RARB: variants seen among roughly 807,000 people sequenced by gnomAD.
RARB encodes retinoic acid receptor beta, also known as HBV-activated protein.
A neutral mutation model predicts 51.9 loss-of-function variants in RARB; 17 were observed. The ratio of observed to expected loss-of-function variants is 0.33; its 90% confidence interval spans 0.22 to 0.49. RARB has a LOEUF of 0.49. Ranked by LOEUF, RARB falls within the 20% of genes least tolerant of loss-of-function variation. The pLI is 0.99. For missense variants in RARB, 369 were observed against 550.8 expected, an observed-to-expected ratio of 0.67 and a Z score of 3.30; for synonymous variants, 215 against 195.4, an observed-to-expected ratio of 1.10 and a Z score of -0.84.
At chr3:24,831,040 G>T (rs556973817) in intron 1 of RARB, among the ~76,000 whole-genome samples, 11 of 152,110 alleles carry the variant, frequency 7.2e-5, no homozygotes, top group Non-Finnish European at 1.3e-4. Context: ...GCTGGTTTTA[G>T]ATAGCCTCCT....
intron 3 of RARB, among the ~76,000 whole-genome samples, chr3:25,105,162 A>G (rs1042025050): frequency 6.6e-6 from 1 of 152,140 alleles, no homozygotes. Flanking sequence ...AGTGTCAGAC[A>G]GTTTTTACTT....
intron 3 of RARB, among the ~76,000 whole-genome samples, chr3:25,502,134 G>A (rs1047887805): frequency 1.3e-5 from 2 of 152,206 alleles, no homozygotes; most frequent in Non-Finnish European, 2.9e-5. Flanking sequence ...ACTCCATCAT[G>A]GGGGGATTTT....
rs199516505 is a variant in RARB, at chr3:24,990,125, CTTTTTTT to C, written c.-379-69994_-379-69988del. Reference sequence around the variant, plus strand: ...TTCTTTTTAATATAATGGAACTTTTCTTTTTTTTTTTTGTTATTTCACTATTGTTTAT... The same window carrying C: ...TTCTTTTTAATATAATGGAACTTTTCTTTTTGTTATTTCACTATTGTTTAT... On this transcript the variant is annotated intron_variant, in intron 2 of 11. Coordinates refer to the RARB transcript ENST00000383772. 2.8e-3 allele frequency among the ~76,000 whole-genome samples: 245 copies of C among 87,680 alleles called. 81 individuals carry two copies. Among genetic ancestry groups the C allele is most frequent in the African/African-American group, 0.011 (235 of 21,988 alleles). 57.5% of individuals were successfully genotyped at this position (87,680 alleles called of 152,430 possible). A position where few individuals can be genotyped will look rare whatever the true frequency, so the allele number is the denominator to read the frequency against.
chr3:25,593,368 C>T, intron 5 of RARB, 135 bp from the exon 6 acceptor site: 1 of 776,762 alleles, frequency 1.3e-6, no homozygotes, highest in Non-Finnish European at 2.1e-6. Context: ...CTAAAGAAGA[C>T]ATTCAACATG....
chr3:25,567,963 T>G (rs1408899142), intron 3 of RARB, among the ~76,000 whole-genome samples: 1 of 152,140 alleles, frequency 6.6e-6, no homozygotes, highest in Non-Finnish European at 1.5e-5. Flanking sequence ...CCCCTCATTG[T>G]GTCTCCTTTG....
Position 25,060,354 on chromosome 3 carries a change from A to G in RARB, c.-328+178A>G, listed in dbSNP as rs76915906. Among the ~76,000 whole-genome samples the G allele has an allele frequency of 4.3e-3, 654 of 151,990 alleles. 11 individuals are homozygous for G. Among genetic ancestry groups the G allele is most frequent in the South Asian group, 0.037 (178 of 4,828 alleles). ...TTTTACTATATATAAAAATGGTTCTATAAATGGTTCTTTTATGTATATTTT... is the reference window on the plus strand; with the variant it reads ...TTTTACTATATATAAAAATGGTTCTGTAAATGGTTCTTTTATGTATATTTT... On this transcript the variant is annotated intron_variant, in intron 3 of 11. Coordinates refer to the RARB transcript ENST00000383772.
At chr3:25,446,564 G>A (rs1257547711) in intron 1 of RARB, among the ~76,000 whole-genome samples, 1 of 152,162 alleles carries the variant, frequency 6.6e-6, no homozygotes, top group Non-Finnish European at 1.5e-5. Flanking sequence ...AGCACTTTGG[G>A]AGGCCGAGGC....
At chr3:25,538,599 C>T (rs1331335029) in intron 3 of RARB, among the ~76,000 whole-genome samples, 1 of 152,182 alleles carries the variant, frequency 6.6e-6, no homozygotes, top group East Asian at 1.9e-4. Context: ...TTAGAAACTT[C>T]AGCAACTTGA....
At chr3:25,594,252 T>C (rs2278480) in intron 6 of RARB, among the ~76,000 whole-genome samples, 66,538 of 152,040 alleles carry the variant, frequency 0.44, 18,459 homozygotes, top group African/African-American at 0.8. Flanking sequence ...TAATTCAGTT[T>C]GGTAGTGACA....
chr3:24,863,412 G>A (rs1351573791), intron 2 of RARB, among the ~76,000 whole-genome samples: 2 of 152,114 alleles, frequency 1.3e-5, no homozygotes, highest in Admixed American at 6.6e-5. Flanking sequence ...TCTCTATCTC[G>A]GGAGGCAGTT....
intron 5 of RARB, among the ~76,000 whole-genome samples, chr3:25,267,418 C>G (rs867830144): frequency 3.6e-4 from 55 of 152,166 alleles, no homozygotes; most frequent in Admixed American, 1.0e-3. Flanking sequence ...TTTCACCTCA[C>G]ATTACCGCTG....
At chr3:25,036,871 A>G (rs1413230410) in intron 2 of RARB, among the ~76,000 whole-genome samples, 3 of 152,192 alleles carry the variant, frequency 2.0e-5, no homozygotes, top group African/African-American at 7.2e-5. Flanking sequence ...CCAGAGCTAC[A>G]TTCTTCTGTT....
rs141201430 is a variant in RARB, at chr3:24,914,317, A to G, written c.-380+55565A>G. Among the ~76,000 whole-genome samples the G allele has an allele frequency of 3.0e-3, 452 of 152,248 alleles. 2 individuals are homozygous for G. The highest frequency in any genetic ancestry group is 0.01 in the African/African-American group (432 of 41,522). ...CAAATGGATTCTAGGGCCCTGGAAT[A>G]TTGCCACTCACTGAAGTTTCAAAGC... On this transcript the variant is annotated intron_variant, in intron 2 of 11. Transcript: ENST00000383772.
At chr3:25,479,210 A>G (rs1045288175) in intron 2 of RARB, among the ~76,000 whole-genome samples, 1 of 152,090 alleles carries the variant, frequency 6.6e-6, no homozygotes, top group Admixed American at 6.5e-5. Flanking sequence ...CAGTGTGTCA[A>G]GGGAAGGGCA....
At chr3:25,032,462 C>G (rs1697895419) in intron 2 of RARB, among the ~76,000 whole-genome samples, 1 of 152,106 alleles carries the variant, frequency 6.6e-6, no homozygotes, top group Non-Finnish European at 1.5e-5. Flanking sequence ...TTAATTCCAC[C>G]CCAGAATGAG....
At chr3:25,243,538 A>G (rs980089467) in intron 5 of RARB, among the ~76,000 whole-genome samples, 13 of 152,210 alleles carry the variant, frequency 8.5e-5, no homozygotes, top group Admixed American at 5.9e-4. Flanking sequence ...AATTTTATCA[A>G]AGACCTTTTC....
chr3:24,859,826 G>GTA (rs1447805142), intron 2 of RARB, among the ~76,000 whole-genome samples: 11 of 152,248 alleles, frequency 7.2e-5, no homozygotes, highest in African/African-American at 2.6e-4. Context: ...AAGCAGCCCT[G>GTA]GATAAGATGC....
intron 4 of RARB, among the ~76,000 whole-genome samples, chr3:25,139,905 C>A (rs955402083): frequency 5.3e-5 from 8 of 152,108 alleles, no homozygotes; most frequent in African/African-American, 1.9e-4. Context: ...CTTTACTGTA[C>A]CTGTGCTCTA....
chr3:25,351,837 C>T lies in RARB; in HGVS notation c.179-109356C>T, dbSNP rs554743642. On this transcript the variant is annotated intron_variant, in intron 5 of 11. Coordinates refer to the RARB transcript ENST00000383772. ...CGGTCTGGCTGCACAAGGAGGCCAT[C>T]TGGCTAAGAGTGTTCCCCAAGAGCT... Among the ~76,000 whole-genome samples, 110 of 152,266 alleles carry T rather than the reference C, an allele frequency of 7.2e-4. 2 individuals carry two copies. The South Asian group carries it at 0.022, about 31-fold the overall frequency.
Sources: gnomAD v4.1 joint callset for allele counts (sites outside exome capture counted in the v4.1 genomes callset) on GRCh38, gnomAD v4.1.1 for gene constraint, MANE v1.5 for transcripts, NCBI Gene and HGNC (gene_info 2026-07-23, HGNC 2026-07-21) for gene names.